The following ANGPT1 variants were observed in gnomAD, a reference collection of about 807,000 sequenced individuals.
ANGPT1 encodes angiopoietin-1.
ANGPT1 carries 17 observed loss-of-function variants against 62.2 expected under a neutral mutation model. The observed-to-expected ratio is 0.27, with a 90% CI of 0.19 to 0.41. The LOEUF is 0.41. ANGPT1 is among the 10% of genes least tolerant of loss of function. The pLI, the probability that ANGPT1 is intolerant of heterozygous loss-of-function variation, is 1.00. For missense variants in ANGPT1, 478 were observed against 594.9 expected, an observed-to-expected ratio of 0.80 and a Z score of 2.04; for synonymous variants, 199 against 198.9, an observed-to-expected ratio of 1.00 and a Z score of 0.00.
intron 1 of ANGPT1, among the ~76,000 whole-genome samples, chr8:107,434,722 C>T (rs1446887041): frequency 1.3e-5 from 2 of 152,192 alleles, no homozygotes; most frequent in Non-Finnish European, 2.9e-5. Flanking sequence ...AAAAGACTGT[C>T]TCATGGCTTC....
chr8:107,401,272 G>GAAA lies in ANGPT1; in HGVS notation c.298-54178_298-54176dup, dbSNP rs3036541. ...CAAGTGATCTTCTGTCACTAAACAA[G>GAAA]AAAAAAAAAAACTGTGGACTATTTC... On this transcript the variant is annotated intron_variant, in intron 1 of 8. Transcript: ENST00000517746. Among the ~76,000 whole-genome samples the GAAA allele has an allele frequency of 1.7e-4, 25 of 145,566 alleles. No individual in the cohort carries two copies. In the South Asian group the frequency reaches 1.9e-3, roughly 11 times the overall value.
intron 1 of ANGPT1, among the ~76,000 whole-genome samples, chr8:107,416,798 TC>T (rs1301316266): frequency 1.1e-5 from 1 of 94,080 alleles, no homozygotes; most frequent in Non-Finnish European, 2.1e-5. Context: ...GGTCAGATAA[TC>T]TTTTTTTTTT....
intron 8 of ANGPT1, among the ~76,000 whole-genome samples, chr8:107,261,700 A>G (rs1892767): frequency 0.87 from 130,887 of 149,976 alleles, 57,158 homozygotes; most frequent in Middle Eastern, 0.92. Flanking sequence ...GCAAGACTCC[A>G]TCTAAAAAAA....
At chr8:107,347,446 CAGAG>C (rs1815830784) in intron 1 of ANGPT1, among the ~76,000 whole-genome samples, 1 of 152,086 alleles carries the variant, frequency 6.6e-6, no homozygotes, top group Non-Finnish European at 1.5e-5. Flanking sequence ...AAAATAGAAT[CAGAG>C]AGGCCAGTGA....
chr8:107,354,296 C>T (rs1466828165), intron 1 of ANGPT1, among the ~76,000 whole-genome samples: 1 of 152,128 alleles, frequency 6.6e-6, no homozygotes, highest in Admixed American at 6.5e-5. Context: ...TTTTCCTTTA[C>T]CTTTTTTTAA....
chr8:107,348,467 T>C (rs1815859798), intron 1 of ANGPT1, among the ~76,000 whole-genome samples: 1 of 152,206 alleles, frequency 6.6e-6, no homozygotes, highest in Non-Finnish European at 1.5e-5. Flanking sequence ...ATTAATACAT[T>C]CTAAATTCAT....
At chr8:107,445,248 C>G (rs1251653452) in intron 1 of ANGPT1, among the ~76,000 whole-genome samples, 1 of 152,034 alleles carries the variant, frequency 6.6e-6, no homozygotes, top group Non-Finnish European at 1.5e-5. Flanking sequence ...TCTGACGGAT[C>G]CTGCTCTCAT....
intron 5 of ANGPT1, chr8:107,295,224 AC>A (rs1208897490): frequency 6.6e-6 from 1 of 152,114 alleles, no homozygotes; most frequent in East Asian, 1.9e-4. Flanking sequence ...CTCTCGCCCT[AC>A]TTTGACAACA....
chr8:107,456,634 C>G (rs1341253599), intron 1 of ANGPT1, among the ~76,000 whole-genome samples: 1 of 151,978 alleles, frequency 6.6e-6, no homozygotes, highest in Admixed American at 6.6e-5. Flanking sequence ...ACAAAACCTG[C>G]TTTCATAAAT....
intron 7 of ANGPT1, among the ~76,000 whole-genome samples, chr8:107,269,755 AC>A (rs1205645836): frequency 2.0e-5 from 3 of 152,056 alleles, no homozygotes; most frequent in Non-Finnish European, 4.4e-5. Flanking sequence ...ATTTGATGTG[AC>A]CAAAAAGCAG....
At chr8:107,472,059 T>C (rs1812374031) in intron 1 of ANGPT1, among the ~76,000 whole-genome samples, 2 of 152,200 alleles carry the variant, frequency 1.3e-5, no homozygotes, top group African/African-American at 2.4e-5. Flanking sequence ...GAATACTTTA[T>C]AGGTATTTTG....
intron 1 of ANGPT1, among the ~76,000 whole-genome samples, chr8:107,420,508 C>G (rs1007795849): frequency 1.3e-5 from 2 of 152,162 alleles, no homozygotes; most frequent in Non-Finnish European, 2.9e-5. Context: ...TGTCTCTCCT[C>G]TATTTACTTT....
At chr8:107,415,014 T>G (rs565686553) in intron 1 of ANGPT1, among the ~76,000 whole-genome samples, 1 of 152,160 alleles carries the variant, frequency 6.6e-6, no homozygotes, top group Non-Finnish European at 1.5e-5. Context: ...CTTGCTGGAA[T>G]TTTAATTCTG....
intron 2 of ANGPT1, among the ~76,000 whole-genome samples, chr8:107,346,613 A>G (rs1815809535): frequency 6.6e-6 from 1 of 152,200 alleles, no homozygotes. Flanking sequence ...AATGCACAAC[A>G]AAGACACCAA....
rs370382926 is a variant in ANGPT1 at position 107,408,078 on chromosome 8, A to C, written c.298-60981T>G. ...ATGTACAGAAATGCTATTTTCTTAC[A>C]AAAAAATAAAAATGATTTGGGTCAG... On this transcript the variant is annotated intron_variant, in intron 1 of 8. Coordinates refer to ENST00000517746, the MANE Select transcript of ANGPT1 (RefSeq NM_001146.5). Among the ~76,000 whole-genome samples the C allele has an allele frequency of 3.7e-3, 282 of 76,032 alleles. 1 individual carries two copies. Among genetic ancestry groups the C allele is most frequent in the African/African-American group, 0.022 (260 of 11,700 alleles). The allele number at this position is 76,032 out of a possible 152,430, so 49.9% of individuals were successfully genotyped here.
intron 8 of ANGPT1, among the ~76,000 whole-genome samples, chr8:107,253,365 T>G (rs887368036): frequency 6.6e-6 from 1 of 152,224 alleles, no homozygotes; most frequent in Non-Finnish European, 1.5e-5. Context: ...TCAGTACAGC[T>G]GTTAAATATG....
intron 1 of ANGPT1, among the ~76,000 whole-genome samples, chr8:107,382,638 G>A (rs1011154852): frequency 2.7e-5 from 4 of 150,136 alleles, no homozygotes; most frequent in Non-Finnish European, 4.5e-5. Flanking sequence ...TAAACACAGA[G>A]CTGGGAAAAA....
chr8:107,253,003 G>A (rs1813280515), intron 8 of ANGPT1, among the ~76,000 whole-genome samples: 1 of 152,170 alleles, frequency 6.6e-6, no homozygotes, highest in Non-Finnish European at 1.5e-5. Context: ...ATGTTTAACT[G>A]TAACATGAGC....
Position 107,284,830 on chromosome 8 carries a change from C to T in ANGPT1, c.1057G>A (p.Gly353Ser), listed in dbSNP as rs762504653. 11 of 1,596,924 alleles carry T rather than the reference C, an allele frequency of 6.9e-6. No individual in the cohort carries two copies. The highest frequency in any genetic ancestry group is 3.4e-5 in the South Asian group (3 of 87,916). Residue 353 changes from glycine to serine, a missense_variant, in exon 7 of 9, where the codon GGT becomes AGT. Gly to Ser is a moderately conservative substitution (Grantham distance 56, BLOSUM62 0). Coordinates refer to ENST00000517746, the MANE Select transcript of ANGPT1 (RefSeq NM_001146.5). ...AACTCATTCCCCAGCCAATATTCAC[C>T]GGAGGGATTTCCAAAACCCTGGGAA... ...EYKMGFGNPS[G>S]EYWLGNEFIF...
Sources: gnomAD v4.1 joint callset for allele counts (sites outside exome capture counted in the v4.1 genomes callset) on GRCh38, gnomAD v4.1.1 for gene constraint, MANE v1.5 for transcripts, NCBI Gene and HGNC (gene_info 2026-07-23, HGNC 2026-07-21) for gene names.